ABL1: variants seen among roughly 807,000 people sequenced by gnomAD.
ABL1 encodes the protein tyrosine-protein kinase ABL1.
In ABL1, 11 loss-of-function variants were observed where a neutral mutation model predicts 94.7. That is an observed-to-expected ratio of 0.12 (90% CI 0.07 to 0.19). The LOEUF is 0.19. ABL1 is among the 10% of genes least tolerant of loss of function. The pLI is 1.00. For missense variants in ABL1, 1,082 were observed against 1,489.4 expected, an observed-to-expected ratio of 0.73 and a Z score of 4.50; for synonymous variants, 656 against 622.4, an observed-to-expected ratio of 1.05 and a Z score of -0.80.
chr9:130,728,865 A>G (rs917991885), intron 1 of ABL1, among the ~76,000 whole-genome samples: 1 of 152,074 alleles, frequency 6.6e-6, no homozygotes, highest in East Asian at 1.9e-4. Context: ...TCTGTACATT[A>G]TGAGTCAGAT....
chr9:130,846,311 C>T (rs1207773880), intron 1 of ABL1, among the ~76,000 whole-genome samples: 1 of 152,202 alleles, frequency 6.6e-6, no homozygotes, highest in Non-Finnish European at 1.5e-5. Flanking sequence ...AGCATGATCT[C>T]ATCCGCTGGA....
In ABL1 at chr9:130,887,031, C is replaced by G. The variant is rs1441706296; in HGVS notation, c.*1348C>G. ...ATCTTCTCCCCGAGGCTGCCCCAGG[C>G]CGGAGCCCAGATACGGGGGCTGTGA... is the stretch of plus-strand genomic sequence containing the variant. On this transcript the variant is annotated 3_prime_UTR_variant, in exon 11 of 11. Coordinates refer to ENST00000318560, the MANE Select transcript of ABL1 (RefSeq NM_005157.6). The G allele has an allele frequency of 1.7e-5, 4 of 232,890 alleles. No homozygotes were observed. The highest frequency in any genetic ancestry group is 8.8e-5 in the African/African-American group (4 of 45,326). The allele number at this position is 232,890 out of a possible 1,614,324, so 14.4% of individuals were successfully genotyped here. A position where few individuals can be genotyped will look rare whatever the true frequency, so the allele number is the denominator to read the frequency against.
chr9:130,754,247 G>T (rs1262843660), intron 1 of ABL1, among the ~76,000 whole-genome samples: 4 of 149,174 alleles, frequency 2.7e-5, no homozygotes, highest in Non-Finnish European at 5.9e-5. Flanking sequence ...GGTGGCTCAC[G>T]CCTGTAATCC....
At position 130,741,783 on chromosome 9, in the gene ABL1, G is replaced by T. The variant is rs117970006; in HGVS notation, c.136+27328G>T. ...CCAAGACCTTTGGGTTGTACAGAAGGGGTGAGACCATACCTGTCCTCAAGC... is the reference window on the plus strand; with the variant it reads ...CCAAGACCTTTGGGTTGTACAGAAGTGGTGAGACCATACCTGTCCTCAAGC... On this transcript the variant is annotated intron_variant, in intron 1 of 10. Coordinates refer to the ABL1 transcript ENST00000372348. Among the ~76,000 whole-genome samples, 28 of 152,360 alleles carry T rather than the reference G, an allele frequency of 1.8e-4. No homozygotes were observed. The East Asian group carries it at 5.2e-3, about 28-fold the overall frequency.
intron 1 of ABL1, among the ~76,000 whole-genome samples, chr9:130,790,865 CT>C (rs1829900206): frequency 6.6e-6 from 1 of 152,136 alleles, no homozygotes. Context: ...TTCCAGGATC[CT>C]GGATACCTAG....
chr9:130,813,401 A>C (rs1190233393), intron 1 of ABL1, among the ~76,000 whole-genome samples: 4 of 150,904 alleles, frequency 2.7e-5, no homozygotes. Context: ...CTCTACTAAA[A>C]ATACAAAAAA....
At chr9:130,787,199 G>A (rs1013274442) in intron 1 of ABL1, among the ~76,000 whole-genome samples, 1 of 152,154 alleles carries the variant, frequency 6.6e-6, no homozygotes, top group African/African-American at 2.4e-5. Context: ...TTTACTTGGA[G>A]CCAGGCTCAT....
intron 2 of ABL1, among the ~76,000 whole-genome samples, 158 bp from the exon 3 acceptor site, chr9:130,854,643 T>C (rs1258864245): frequency 6.6e-6 from 1 of 152,214 alleles, no homozygotes. Context: ...AAACGTGAAT[T>C]CTCATACACT....
At chr9:130,739,199 T>C (rs973695469) in intron 1 of ABL1, among the ~76,000 whole-genome samples, 2 of 152,292 alleles carry the variant, frequency 1.3e-5, no homozygotes, top group South Asian at 2.1e-4. Flanking sequence ...TGGCCCGATA[T>C]GTGTCTTTTT....
At chr9:130,732,301 C>G (rs916376682) in intron 1 of ABL1, among the ~76,000 whole-genome samples, 1 of 152,050 alleles carries the variant, frequency 6.6e-6, no homozygotes, top group Admixed American at 6.6e-5. Flanking sequence ...TGAGGACCAC[C>G]ACTGGCCATC....
intron 1 of ABL1, among the ~76,000 whole-genome samples, chr9:130,766,466 A>G (rs1456523521): frequency 6.6e-6 from 1 of 152,100 alleles, no homozygotes. Context: ...TCTCATTGGG[A>G]TACAAATGAG....
Position 130,854,994 on chromosome 9 carries a change from C to T in ABL1, c.447C>T (p.Phe149=), listed in dbSNP as rs762158910. 1 of 1,614,204 alleles carries T rather than the reference C, an allele frequency of 6.2e-7. No individual in the cohort carries two copies. Among genetic ancestry groups the T allele is most frequent in the East Asian group, 2.2e-5 (1 of 44,886 alleles). Residue 149 remains phenylalanine, a synonymous_variant, in exon 3 of 11, where the codon TTC becomes TTT. Transcript: ENST00000318560. ...YLLSSGINGS[F]LVRESESSPG... ...TGAGCAGCGGGATCAATGGCAGCTT[C>T]TTGGTGCGTGAGAGTGAGAGCAGTC...
rs1209184516 is a variant in ABL1, at chr9:130,819,355, AAAAT to A, written c.137-34693_137-34690del. ...GGCAACAGAGCGAGACTCCATCTCA[AAAAT>A]AAATAAATAAATAAAAGACAAAATA... is the stretch of plus-strand genomic sequence containing the variant. On this transcript the variant is annotated intron_variant, in intron 1 of 10. Transcript: ENST00000372348. Among the ~76,000 whole-genome samples the A allele has an allele frequency of 1.1e-4, 16 of 151,788 alleles. No homozygotes were observed. The South Asian group carries it at 2.9e-3, about 28-fold the overall frequency.
chr9:130,812,933 AC>A (rs1389766799), intron 1 of ABL1, among the ~76,000 whole-genome samples: 1 of 152,190 alleles, frequency 6.6e-6, no homozygotes, highest in African/African-American at 2.4e-5. Flanking sequence ...GCCTCAGTAG[AC>A]CCGGCGGGTT....
At chr9:130,781,986 G>T (rs980042430) in intron 1 of ABL1, among the ~76,000 whole-genome samples, 1 of 152,078 alleles carries the variant, frequency 6.6e-6, no homozygotes, top group Non-Finnish European at 1.5e-5. Flanking sequence ...ATGCATATAT[G>T]TACATATACA....
chr9:130,787,219 A>T (rs968824868), intron 1 of ABL1, among the ~76,000 whole-genome samples: 5 of 152,024 alleles, frequency 3.3e-5, no homozygotes, highest in African/African-American at 1.2e-4. Context: ...TGGTAAGAGG[A>T]TGGGGACTTT....
chr9:130,835,011 C>T (rs1473859979), upstream of ABL1: 1 of 347,710 alleles, frequency 2.9e-6, no homozygotes, highest in Non-Finnish European at 5.8e-6. The surrounding 1 kb of genome is among the most constrained non-coding windows in gnomAD (Gnocchi z 4.6). Flanking sequence ...GCACCCTCCC[C>T]GCCGGGGCTG....
chr9:130,734,523 CT>C (rs1381752821), intron 1 of ABL1, among the ~76,000 whole-genome samples: 6,501 of 112,484 alleles, frequency 0.058, 154 homozygotes, highest in Non-Finnish European at 0.084. Context: ...CCTGAATCTT[CT>C]TTTTTTTTTT....
intron 2 of ABL1, 90 bp downstream of exon 2, chr9:130,854,327 A>G: frequency 6.9e-7 from 1 of 1,443,014 alleles, no homozygotes; most frequent in Non-Finnish European, 9.4e-7. Flanking sequence ...TCGTTAAAGG[A>G]GCAGCTTTGA....
Sources: allele counts gnomAD v4.1 joint callset (sites outside exome capture counted in the v4.1 genomes callset), GRCh38; gene constraint gnomAD v4.1.1; non-coding constraint Gnocchi (gnomAD v3.1); transcripts MANE v1.5; gene names NCBI Gene and HGNC (gene_info 2026-07-23, HGNC 2026-07-21).